RAD23B: variants seen among roughly 807,000 people sequenced by gnomAD.
RAD23B encodes the protein RAD23 nucleotide excision repair protein B.
Under a neutral mutation model 49.1 loss-of-function variants are expected in RAD23B, and 5 were observed. That is an observed-to-expected ratio of 0.10 (90% confidence interval 0.05 to 0.21). The LOEUF is 0.21. Among genes scored for constraint, RAD23B ranks in the 10% least tolerant of loss-of-function variants. The probability of loss-of-function intolerance (pLI) is 1.00; values close to 1 mark genes in which losing one functional copy is unlikely to be tolerated. For missense variants in RAD23B, 356 were observed against 486.7 expected (o/e 0.73, Z 2.53); for synonymous variants, 184 against 165.4 (o/e 1.11, Z -0.86).
intron 1 of RAD23B, chr9:107,284,574 C>T (rs541827605): frequency 4.5e-5 from 10 of 223,366 alleles, no homozygotes; most frequent in African/African-American, 2.1e-4. Flanking sequence ...ATACATTTTT[C>T]TGTATTTGTG....
chr9:107,297,938 T>G (rs997821414), intron 1 of RAD23B, among the ~76,000 whole-genome samples: 9 of 152,244 alleles, frequency 5.9e-5, no homozygotes, highest in Non-Finnish European at 7.3e-5. Context: ...TCTTCACATA[T>G]GTCTATGCTC....
intron 3 of RAD23B, among the ~76,000 whole-genome samples, chr9:107,306,082 T>TAC: frequency 3.8e-5 from 4 of 105,362 alleles, no homozygotes; most frequent in Admixed American, 9.1e-5. Context: ...TCTATATATC[T>TAC]ATATATATTT....
chr9:107,284,153 A>T (rs1473454232), intron 1 of RAD23B: 34 of 987,880 alleles, frequency 3.4e-5, no homozygotes, highest in Non-Finnish European at 4.1e-5. Flanking sequence ...GCCTTAAGAA[A>T]AAAAAAAGTA....
intron 1 of RAD23B, among the ~76,000 whole-genome samples, chr9:107,289,801 A>C (rs1197374461): frequency 2.6e-5 from 4 of 152,202 alleles, no homozygotes; most frequent in Admixed American, 6.5e-5. Flanking sequence ...AATAATATTA[A>C]CAGTGCTTGG....
intron 1 of RAD23B, among the ~76,000 whole-genome samples, chr9:107,293,987 G>A (rs1052758755): frequency 3.9e-5 from 6 of 152,182 alleles, no homozygotes; most frequent in Non-Finnish European, 5.9e-5. Context: ...GGCTCACTAT[G>A]TTGACCAGGC....
intron 9 of RAD23B, among the ~76,000 whole-genome samples, chr9:107,328,743 G>T (rs766409377): frequency 2.0e-5 from 3 of 152,224 alleles, no homozygotes; most frequent in Non-Finnish European, 2.9e-5. Context: ...GCTGGTGCCA[G>T]TTCACGGTCT....
At chr9:107,299,712 C>A (rs1318629667) in intron 1 of RAD23B, among the ~76,000 whole-genome samples, 1 of 152,146 alleles carries the variant, frequency 6.6e-6, no homozygotes, top group African/African-American at 2.4e-5. Context: ...TAAAATGAAT[C>A]ATTTGCCTTT....
intron 4 of RAD23B, among the ~76,000 whole-genome samples, chr9:107,310,020 C>T (rs1281014279): frequency 6.7e-6 from 1 of 149,320 alleles, no homozygotes; most frequent in Non-Finnish European, 1.5e-5. Context: ...ATGTATTATA[C>T]AGTAATGATT....
At position 107,289,132 on chromosome 9, in the gene RAD23B, C is replaced by G. The variant is rs144728496; in HGVS notation, c.66+5437C>G. On this transcript the variant is annotated intron_variant, in intron 1 of 9. Transcript: ENST00000358015. ...CCTCCCTCCCTTCCCCCTTCCCTCTCCTTTCCTCTCCTTCCCTCCTTTCCT... is the reference window on the plus strand; with the variant it reads ...CCTCCCTCCCTTCCCCCTTCCCTCTGCTTTCCTCTCCTTCCCTCCTTTCCT... 4.9e-4 allele frequency among the ~76,000 whole-genome samples: 66 copies of G among 133,966 alleles called. No homozygotes were observed. The East Asian group carries it at 0.015, about 30-fold the overall frequency. The allele number at this position is 133,966 out of a possible 152,430, so 87.9% of individuals were successfully genotyped here.
At position 107,323,221 on chromosome 9, in the gene RAD23B, G is replaced by A. The variant is rs11573710; in HGVS notation, c.818-669G>A. 9.4e-4 allele frequency among the ~76,000 whole-genome samples: 143 copies of A among 152,170 alleles called. 1 individual carries two copies. The highest frequency in any genetic ancestry group is 2.0e-3 in the Non-Finnish European group (137 of 67,978). On this transcript the variant is annotated intron_variant, in intron 7 of 9. Transcript: ENST00000358015. ...TTTGGCATTATTAACATTTATTATT[G>A]TGAATGGATTTTAGACTGAAGAGTT...
At chr9:107,302,759 C>T (rs58248414) in intron 3 of RAD23B, among the ~76,000 whole-genome samples, 8,282 of 151,824 alleles carry the variant, frequency 0.055, 693 homozygotes, top group African/African-American at 0.19. Context: ...GGGTTCATGC[C>T]ATTCTCCTGC....
chr9:107,311,911 T>C (rs1826896772), intron 5 of RAD23B, among the ~76,000 whole-genome samples, 174 bp downstream of exon 5: 1 of 152,260 alleles, frequency 6.6e-6, no homozygotes, highest in African/African-American at 2.4e-5. Flanking sequence ...TTTTAATGTT[T>C]ATGTATTGAG....
intron 3 of RAD23B, among the ~76,000 whole-genome samples, chr9:107,305,805 G>C (rs191322868): frequency 1.3e-5 from 2 of 151,776 alleles, no homozygotes; most frequent in African/African-American, 4.8e-5. Flanking sequence ...CATTTATACT[G>C]CCATTTCAAG....
chr9:107,307,826 A>G (rs1416615135), intron 4 of RAD23B, among the ~76,000 whole-genome samples: 1 of 152,150 alleles, frequency 6.6e-6, no homozygotes, highest in African/African-American at 2.4e-5. Flanking sequence ...GCAATAGAAT[A>G]TTTGCCCTGT....
chr9:107,330,380 G>GA lies in RAD23B; in HGVS notation c.*730dup, dbSNP rs972588320. 2 of 152,172 alleles carry GA rather than the reference G, an allele frequency of 1.3e-5. No individual in the cohort carries two copies. The highest frequency in any genetic ancestry group is 4.8e-5 in the African/African-American group (2 of 41,352). The allele number at this position is 152,172 out of a possible 1,614,324, so 9.4% of individuals were successfully genotyped here. ...GTTTACATTTTTTTTTTGTTTTGGG[G>GA]AAAAAATTGGTAGGTGTCTAATTAC... On this transcript the variant is annotated 3_prime_UTR_variant, in exon 10 of 10. Coordinates refer to ENST00000358015, the MANE Select transcript of RAD23B (RefSeq NM_002874.5). This position sits in a 1 kb window ranked among gnomAD's most constrained non-coding sequence, Gnocchi z 4.4.
At chr9:107,308,508 C>G (rs1290403416) in intron 4 of RAD23B, among the ~76,000 whole-genome samples, 1 of 152,186 alleles carries the variant, frequency 6.6e-6, no homozygotes, top group Non-Finnish European at 1.5e-5. Context: ...CATGAGCCAC[C>G]ATGCCCAGCC....
rs370846190 is a variant in RAD23B at position 107,285,201 on chromosome 9, G to A, written c.66+1506G>A. Among the ~76,000 whole-genome samples the A allele has an allele frequency of 3.2e-4, 48 of 152,248 alleles. 2 individuals are homozygous for A. Among genetic ancestry groups the A allele is most frequent in the African/African-American group, 1.2e-3 (48 of 41,540 alleles). ...TCAGAAGTAATTGACAATACCCTGT[G>A]GACTGACAGTACTAATAGAATCTAA... On this transcript the variant is annotated intron_variant, in intron 1 of 9. Coordinates refer to ENST00000358015, the MANE Select transcript of RAD23B (RefSeq NM_002874.5).
rs999376954 is a variant in RAD23B at position 107,316,852 on chromosome 9, C to T, written c.554-1900C>T. Among the ~76,000 whole-genome samples the T allele has an allele frequency of 3.3e-5, 5 of 150,036 alleles. No homozygotes were observed. In the East Asian group the frequency reaches 9.8e-4, roughly 30 times the overall value. ...AAAAAAAAGATAAGTGATATTAACA[C>T]AAAGGGCTTCCCTAAAGAAAAAACA... On this transcript the variant is annotated intron_variant, in intron 5 of 9. Transcript: ENST00000358015.
intron 6 of RAD23B, 135 bp from the exon 7 acceptor site, chr9:107,321,848 T>G: frequency 9.8e-7 from 1 of 1,024,050 alleles, no homozygotes. Flanking sequence ...AATCCTTTAC[T>G]TTTAATTGAA....
Sources: gnomAD v4.1 joint callset for allele counts (sites outside exome capture counted in the v4.1 genomes callset) on GRCh38, gnomAD v4.1.1 for gene constraint, Gnocchi (gnomAD v3.1) non-coding constraint, MANE v1.5 for transcripts, NCBI Gene and HGNC (gene_info 2026-07-23, HGNC 2026-07-21) for gene names.